MCEMP1: variants seen among roughly 807,000 people sequenced by gnomAD.
MCEMP1 encodes mast cell-expressed membrane protein 1.
MCEMP1 carries 17 observed loss-of-function variants against 27.9 expected under a neutral mutation model. The observed-to-expected ratio is 0.61, with a 90% CI of 0.42 to 0.91. The LOEUF (loss-of-function observed/expected upper bound fraction) is 0.91, where lower values mean the gene tolerates loss of function less well. Ranked by LOEUF, MCEMP1 falls within the 40% of genes least tolerant of loss-of-function variation. MCEMP1 has a pLI of 0.00. For missense variants in MCEMP1, 200 were observed against 204.8 expected, an observed-to-expected ratio of 0.98 and a Z score of 0.14; for synonymous variants, 88 against 76.9, an observed-to-expected ratio of 1.14 and a Z score of -0.76.
In MCEMP1 at chr19:7,679,201, C is replaced by A. The variant is rs1037242495; in HGVS notation, c.*87C>A. On this transcript the variant is annotated 3_prime_UTR_variant, in exon 7 of 7. Transcript: ENST00000333598. This position sits in a 1 kb window ranked among gnomAD's most constrained non-coding sequence, Gnocchi z 4.9. Reference sequence around the variant, plus strand: ...AAGACGGGAAATGACCCCCCCCCCCCAGCCTAGTGTGAACCTGCCCCTCGT... The same window carrying A: ...AAGACGGGAAATGACCCCCCCCCCCAAGCCTAGTGTGAACCTGCCCCTCGT... 1,798 of 1,014,064 alleles carry A rather than the reference C, an allele frequency of 1.8e-3. 9 individuals are homozygous for A. Among genetic ancestry groups the A allele is most frequent in the Middle Eastern group, 3.8e-3 (11 of 2,868 alleles). The allele number at this position is 1,014,064 out of a possible 1,614,324, so 62.8% of individuals were successfully genotyped here.
chr19:7,679,143 A>G lies in MCEMP1; in HGVS notation c.*29A>G, dbSNP rs368703527. On this transcript the variant is annotated 3_prime_UTR_variant, in exon 7 of 7. Transcript: ENST00000333598. The surrounding 1 kb of genome is among the most constrained non-coding windows in gnomAD (Gnocchi z 4.9). The stretch of plus-strand genomic sequence containing the variant: ...AGAGGACATTGTGGCAGCCAAAGCC[A>G]CAACTTGGAAGATGGGGCTGCACCT... 156 of 1,574,996 alleles carry G rather than the reference A, an allele frequency of 9.9e-5. No individual in the cohort carries two copies. The highest frequency in any genetic ancestry group is 1.9e-4 in the Middle Eastern group (1 of 5,356).
rs2032593632 is a variant in MCEMP1, at chr19:7,679,234, A to G, written c.*120A>G. The G allele has an allele frequency of 1.6e-6, 2 of 1,224,704 alleles. No homozygotes were observed. The highest frequency in any genetic ancestry group is 2.7e-5 in the East Asian group (1 of 37,572). The allele number at this position is 1,224,704 out of a possible 1,614,324, so 75.9% of individuals were successfully genotyped here. ...TGTGAACCTGCCCCTCGTCCCACGT[A>G]TAGAAAAACCTCGAGTCATGGTGAA... On this transcript the variant is annotated 3_prime_UTR_variant, in exon 7 of 7. Coordinates refer to ENST00000333598, the MANE Select transcript of MCEMP1 (RefSeq NM_174918.3). This position sits in a 1 kb window ranked among gnomAD's most constrained non-coding sequence, Gnocchi z 4.9.
Position 7,677,232 on chromosome 19 carries a change from G to C in MCEMP1, c.55+57G>C. 1 of 1,473,276 alleles carries C rather than the reference G, an allele frequency of 6.8e-7. No homozygotes were observed. Among genetic ancestry groups the C allele is most frequent in the East Asian group, 2.5e-5 (1 of 40,538 alleles). 91.3% of individuals were successfully genotyped at this position (1,473,276 alleles called of 1,614,324 possible). On this transcript the variant is annotated intron_variant, in intron 1 of 6. Coordinates refer to ENST00000333598, the MANE Select transcript of MCEMP1 (RefSeq NM_174918.3). This position sits in a 1 kb window ranked among gnomAD's most constrained non-coding sequence, Gnocchi z 4.6. ...AAGAAGGAGAGATTGGGGGGCCGGG[G>C]GCTTTTGCTCATGTCTGTAATCCTA...
In MCEMP1 at chr19:7,678,730, G is replaced by A. The variant is rs775349832; in HGVS notation, c.448+126G>A. The A allele has an allele frequency of 1.8e-6, 2 of 1,127,938 alleles. No individual in the cohort carries two copies. Among genetic ancestry groups the A allele is most frequent in the Admixed American group, 2.1e-5 (1 of 48,060 alleles). 69.9% of individuals were successfully genotyped at this position (1,127,938 alleles called of 1,614,324 possible). On this transcript the variant is annotated intron_variant, in intron 5 of 6. Coordinates refer to ENST00000333598, the MANE Select transcript of MCEMP1 (RefSeq NM_174918.3). The surrounding 1 kb of genome is among the most constrained non-coding windows in gnomAD (Gnocchi z 4.8). ...CCCTCCCAAAGCTCAAGTTGTGGAG[G>A]GGCGATGGGTGTTACCATCTGGGTT...
In MCEMP1 at chr19:7,678,080, C is replaced by T; in HGVS notation, c.146-24C>T. The T allele has an allele frequency of 6.4e-7, 1 of 1,569,362 alleles. No individual in the cohort carries two copies. Among genetic ancestry groups the T allele is most frequent in the Non-Finnish European group, 8.6e-7 (1 of 1,160,758 alleles). On this transcript the variant is annotated intron_variant, in intron 2 of 6. Transcript: ENST00000333598. The surrounding 1 kb of genome is among the most constrained non-coding windows in gnomAD (Gnocchi z 4.8). ...AGTGGTGGTGCTGGCCCCTCAAGGT[C>T]ACTTTGCTGCCTCTTTGCTCCAGTC...
rs780540354 is a variant in MCEMP1 at position 7,678,992 on chromosome 19, G to A, written c.508+9G>A. ...GCTGCAGAAAATGCCACGTAAGTTGGCGCCCCGACAGGAGGTGGAGGAGGG... is the reference window on the plus strand; with the variant it reads ...GCTGCAGAAAATGCCACGTAAGTTGACGCCCCGACAGGAGGTGGAGGAGGG... On this transcript the variant is annotated intron_variant, in intron 6 of 6. Transcript: ENST00000333598. The surrounding 1 kb of genome is among the most constrained non-coding windows in gnomAD (Gnocchi z 4.8). The A allele has an allele frequency of 5.6e-6, 9 of 1,599,348 alleles. No individual in the cohort carries two copies. The East Asian group carries it at 9.0e-5, about 16-fold the overall frequency.
Position 7,678,897 on chromosome 19 carries a change from T to TTGCCC in MCEMP1, c.449-27_449-26insTGCCC. 1.0e-6 allele frequency: 1 copy of TTGCCC among 993,960 alleles called. No homozygotes were observed. Among genetic ancestry groups the TTGCCC allele is most frequent in the Non-Finnish European group, 1.6e-6 (1 of 644,790 alleles). 61.6% of individuals were successfully genotyped at this position (993,960 alleles called of 1,614,324 possible). A position where few individuals can be genotyped will look rare whatever the true frequency, so the allele number is the denominator to read the frequency against. On this transcript the variant is annotated intron_variant, in intron 5 of 6. Coordinates refer to ENST00000333598, the MANE Select transcript of MCEMP1 (RefSeq NM_174918.3). The surrounding 1 kb of genome is among the most constrained non-coding windows in gnomAD (Gnocchi z 4.8). ...CTCCACCGCAGCTTGACTTATCTGT[T>TTGCCC]CCCACCCAACCCTCCCCGCCCCCTA...
In MCEMP1 at chr19:7,677,765, G is replaced by GCTCACTGCAAGCTCCACCTCCC; in HGVS notation, c.145+39_145+40insCTCACTGCAAGCTCCACCTCCC. ...CACCTGCTCACATCCCATCACCTTGGGAAGGGGCAGGTGGGCGGGCAACTG... is the reference window on the plus strand; with the variant it reads ...CACCTGCTCACATCCCATCACCTTGGCTCACTGCAAGCTCCACCTCCCGAAGGGGCAGGTGGGCGGGCAACTG... On this transcript the variant is annotated intron_variant, in intron 2 of 6. Coordinates refer to ENST00000333598, the MANE Select transcript of MCEMP1 (RefSeq NM_174918.3). This position sits in a 1 kb window ranked among gnomAD's most constrained non-coding sequence, Gnocchi z 4.6. 1 of 1,528,882 alleles carries GCTCACTGCAAGCTCCACCTCCC rather than the reference G, an allele frequency of 6.5e-7. No homozygotes were observed. The highest frequency in any genetic ancestry group is 8.8e-7 in the Non-Finnish European group (1 of 1,130,720). The allele number at this position is 1,528,882 out of a possible 1,614,324, so 94.7% of individuals were successfully genotyped here. A position where few individuals can be genotyped will look rare whatever the true frequency, so the allele number is the denominator to read the frequency against.
Position 7,677,481 on chromosome 19 carries a change from C to CTTA in MCEMP1, c.56-156_56-155insTTA, listed in dbSNP as rs1480190892. Among the ~76,000 whole-genome samples the CTTA allele has an allele frequency of 6.6e-6, 1 of 152,084 alleles. No homozygotes were observed. Among genetic ancestry groups the CTTA allele is most frequent in the African/African-American group, 2.4e-5 (1 of 41,422 alleles). ...TGTGGTGTGATCACTCAAACTCTCA[C>CTTA]ACACCCGCTCCACTTAACCAAAAAG... On this transcript the variant is annotated intron_variant, in intron 1 of 6. Coordinates refer to ENST00000333598, the MANE Select transcript of MCEMP1 (RefSeq NM_174918.3). This position sits in a 1 kb window ranked among gnomAD's most constrained non-coding sequence, Gnocchi z 4.6.
rs2032570700 is a variant in MCEMP1, at chr19:7,677,876, T to C, written c.145+150T>C. 3.9e-6 allele frequency: 4 copies of C among 1,015,506 alleles called. No homozygotes were observed. Among genetic ancestry groups the C allele is most frequent in the Non-Finnish European group, 5.9e-6 (4 of 681,218 alleles). 62.9% of individuals were successfully genotyped at this position (1,015,506 alleles called of 1,614,324 possible). The stretch of plus-strand genomic sequence containing the variant: ...TTGACGTGCTAATGAGGTCTGTTGA[T>C]GATGACAATGTTGGGGAATGCTGGA... On this transcript the variant is annotated intron_variant, in intron 2 of 6. Coordinates refer to ENST00000333598, the MANE Select transcript of MCEMP1 (RefSeq NM_174918.3). The surrounding 1 kb of genome is among the most constrained non-coding windows in gnomAD (Gnocchi z 4.6).
Position 7,678,000 on chromosome 19 carries a change from A to C in MCEMP1, c.146-104A>C. 6.8e-7 allele frequency: 1 copy of C among 1,468,072 alleles called. No individual in the cohort carries two copies. 90.9% of individuals were successfully genotyped at this position (1,468,072 alleles called of 1,614,324 possible). On this transcript the variant is annotated intron_variant, in intron 2 of 6. Coordinates refer to ENST00000333598, the MANE Select transcript of MCEMP1 (RefSeq NM_174918.3). This position sits in a 1 kb window ranked among gnomAD's most constrained non-coding sequence, Gnocchi z 4.6. ...ACAAGCTGCATGACCACAGCTGCTG[A>C]TGGTTTTGAGAGGAGCGAGGTGTCC...
chr19:7,678,633 G>T lies in MCEMP1; in HGVS notation c.448+29G>T, dbSNP rs368138357. ...CCTGTGTAGTCTCGCCTTCTATGGG[G>T]GTTATTTGTCACCAATGCCCGGAGC... On this transcript the variant is annotated intron_variant, in intron 5 of 6. Transcript: ENST00000333598. The surrounding 1 kb of genome is among the most constrained non-coding windows in gnomAD (Gnocchi z 4.8). 1 of 1,583,526 alleles carries T rather than the reference G, an allele frequency of 6.3e-7. No homozygotes were observed.
Position 7,678,473 on chromosome 19 carries a change from C to T in MCEMP1, c.335-18C>T. The T allele has an allele frequency of 6.2e-7, 1 of 1,613,708 alleles. No homozygotes were observed. Among genetic ancestry groups the T allele is most frequent in the Non-Finnish European group, 8.5e-7 (1 of 1,179,698 alleles). The stretch of plus-strand genomic sequence containing the variant: ...GGAGAGGGATGGATGCACAGACACC[C>T]CTGTTTCATGCCCTCAGTCTCAAAC... On this transcript the variant is annotated intron_variant, in intron 4 of 6. Coordinates refer to ENST00000333598, the MANE Select transcript of MCEMP1 (RefSeq NM_174918.3). The surrounding 1 kb of genome is among the most constrained non-coding windows in gnomAD (Gnocchi z 4.8).
Position 7,678,993 on chromosome 19 carries a change from C to A in MCEMP1, c.508+10C>A, listed in dbSNP as rs4804766. The A allele has an allele frequency of 1.3e-6, 2 of 1,541,122 alleles. No homozygotes were observed. Among genetic ancestry groups the A allele is most frequent in the Non-Finnish European group, 8.8e-7 (1 of 1,136,636 alleles). On this transcript the variant is annotated intron_variant, in intron 6 of 6. Transcript: ENST00000333598. The surrounding 1 kb of genome is among the most constrained non-coding windows in gnomAD (Gnocchi z 4.8). ...CTGCAGAAAATGCCACGTAAGTTGG[C>A]GCCCCGACAGGAGGTGGAGGAGGGT...
rs2032572073 is a variant in MCEMP1, at chr19:7,678,013, G to A, written c.146-91G>A. 1.3e-6 allele frequency: 2 copies of A among 1,494,148 alleles called. No individual in the cohort carries two copies. Among genetic ancestry groups the A allele is most frequent in the South Asian group, 1.3e-5 (1 of 74,804 alleles). The allele number at this position is 1,494,148 out of a possible 1,614,324, so 92.6% of individuals were successfully genotyped here. Reference sequence around the variant, plus strand: ...CCACAGCTGCTGATGGTTTTGAGAGGAGCGAGGTGTCCATGGTGTTAGAGA... The same window carrying A: ...CCACAGCTGCTGATGGTTTTGAGAGAAGCGAGGTGTCCATGGTGTTAGAGA... On this transcript the variant is annotated intron_variant, in intron 2 of 6. Coordinates refer to ENST00000333598, the MANE Select transcript of MCEMP1 (RefSeq NM_174918.3). The surrounding 1 kb of genome is among the most constrained non-coding windows in gnomAD (Gnocchi z 4.8).
In MCEMP1 at chr19:7,678,902, C is replaced by G. The variant is rs1284628468; in HGVS notation, c.449-22C>G. ...CCGCAGCTTGACTTATCTGTTCCCA[C>G]CCAACCCTCCCCGCCCCCTAGGCAT... On this transcript the variant is annotated intron_variant, in intron 5 of 6. Coordinates refer to ENST00000333598, the MANE Select transcript of MCEMP1 (RefSeq NM_174918.3). The surrounding 1 kb of genome is among the most constrained non-coding windows in gnomAD (Gnocchi z 4.8). 1 of 1,161,462 alleles carries G rather than the reference C, an allele frequency of 8.6e-7. No homozygotes were observed. Among genetic ancestry groups the G allele is most frequent in the Non-Finnish European group, 1.3e-6 (1 of 792,114 alleles). 71.9% of individuals were successfully genotyped at this position (1,161,462 alleles called of 1,614,324 possible).
chr19:7,678,798 G>A lies in MCEMP1; in HGVS notation c.449-126G>A, dbSNP rs576406130. ...AGGCTCCTGGGAACCCCAAATCCATGGGCTCTGCTGTACCCCAGGGTGGGT... is the reference window on the plus strand; with the variant it reads ...AGGCTCCTGGGAACCCCAAATCCATAGGCTCTGCTGTACCCCAGGGTGGGT... On this transcript the variant is annotated intron_variant, in intron 5 of 6. Transcript: ENST00000333598. This position sits in a 1 kb window ranked among gnomAD's most constrained non-coding sequence, Gnocchi z 4.8. The A allele has an allele frequency of 8.7e-7, 1 of 1,149,830 alleles. No individual in the cohort carries two copies. The highest frequency in any genetic ancestry group is 1.6e-5 in the African/African-American group (1 of 64,464). 71.2% of individuals were successfully genotyped at this position (1,149,830 alleles called of 1,614,324 possible). A position where few individuals can be genotyped will look rare whatever the true frequency, so the allele number is the denominator to read the frequency against.
In MCEMP1 at chr19:7,677,855, C is replaced by T. The variant is rs189604605; in HGVS notation, c.145+129C>T. ...GGAAGGAAGAGGTGACAGCTGTTGA[C>T]GTGCTAATGAGGTCTGTTGATGATG... On this transcript the variant is annotated intron_variant, in intron 2 of 6. Transcript: ENST00000333598. This position sits in a 1 kb window ranked among gnomAD's most constrained non-coding sequence, Gnocchi z 4.6. 4.9e-4 allele frequency: 517 copies of T among 1,059,712 alleles called. 1 individual carries two copies. The highest frequency in any genetic ancestry group is 6.4e-4 in the Non-Finnish European group (466 of 724,720). 65.6% of individuals were successfully genotyped at this position (1,059,712 alleles called of 1,614,324 possible).
Position 7,677,597 on chromosome 19 carries a change from C to T in MCEMP1, c.56-40C>T. On this transcript the variant is annotated intron_variant, in intron 1 of 6. Transcript: ENST00000333598. This position sits in a 1 kb window ranked among gnomAD's most constrained non-coding sequence, Gnocchi z 4.6. ...AAAACAAGATCCCGGATCCACTCTC[C>T]ACACCACAGAGCTCTGAGCAGATCT... The T allele has an allele frequency of 3.9e-6, 6 of 1,551,294 alleles. No individual in the cohort carries two copies. The highest frequency in any genetic ancestry group is 5.3e-6 in the Non-Finnish European group (6 of 1,122,762).
Sources: gnomAD v4.1 joint callset for allele counts (sites outside exome capture counted in the v4.1 genomes callset) on GRCh38, gnomAD v4.1.1 for gene constraint, Gnocchi (gnomAD v3.1) non-coding constraint, MANE v1.5 for transcripts, NCBI Gene and HGNC (gene_info 2026-07-23, HGNC 2026-07-21) for gene names.